The following RAPGEF2 variants were observed in gnomAD, a reference collection of about 807,000 sequenced individuals.
RAPGEF2 encodes the protein Rap guanine nucleotide exchange factor 2, also known as PDZ domain containing guanine nucleotide exchange factor (GEF) 1.
A neutral mutation model predicts 186.7 loss-of-function variants in RAPGEF2; 54 were observed. The ratio of observed to expected loss-of-function variants is 0.29; its 90% CI spans 0.23 to 0.36. RAPGEF2 has a LOEUF of 0.36. RAPGEF2 is among the 10% of genes least tolerant of loss of function. The probability of loss-of-function intolerance (pLI) is 1.00; values close to 1 mark genes in which losing one functional copy is unlikely to be tolerated. For synonymous variants in RAPGEF2, 712 were observed against 705.9 expected (o/e 1.01, Z -0.14); for missense variants, 1,532 against 2,045.0 (o/e 0.75, Z 4.84).
chr4:159,297,363 T>C (rs1039053935), intron 7 of RAPGEF2, among the ~76,000 whole-genome samples: 1 of 152,216 alleles, frequency 6.6e-6, no homozygotes, highest in Non-Finnish European at 1.5e-5. Flanking sequence ...TTGTAGCATA[T>C]GTCTGTGCCA....
Position 159,353,519 on chromosome 4 carries a change from T to C in RAPGEF2, c.4124T>C (p.Leu1375Ser). 6.6e-7 allele frequency: 1 copy of C among 1,520,736 alleles called. No individual in the cohort carries two copies. The highest frequency in any genetic ancestry group is 8.8e-7 in the Non-Finnish European group (1 of 1,136,958). The allele number at this position is 1,520,736 out of a possible 1,614,324, so 94.2% of individuals were successfully genotyped here. ...GCACCAATGTCCGAGGGCCGAGGCTTATATGCTACAGCTACAGTAATTTCT... is the reference window on the plus strand; with the variant it reads ...GCACCAATGTCCGAGGGCCGAGGCTCATATGCTACAGCTACAGTAATTTCT... ...SYAPMSEGRG[L>S]YATATVISSP... Residue 1375 changes from leucine to serine, a missense_variant, in exon 28 of 30, where the codon TTA becomes TCA. By Grantham distance (145) the Leu-to-Ser change is moderately radical (BLOSUM62 -2). Coordinates refer to ENST00000691494, the MANE Select transcript of RAPGEF2 (RefSeq NM_001394067.2). This position sits in a 1 kb window ranked among gnomAD's most constrained non-coding sequence, Gnocchi z 4.3.
At chr4:159,333,240 A>AG (rs1766947792) in intron 17 of RAPGEF2, among the ~76,000 whole-genome samples, 2 of 152,050 alleles carry the variant, frequency 1.3e-5, no homozygotes, top group Non-Finnish European at 2.9e-5. Context: ...GGCCTCCCAA[A>AG]GTGCTGGGAT....
At chr4:159,175,070 G>A (rs1420887132) in intron 1 of RAPGEF2, among the ~76,000 whole-genome samples, 1 of 152,094 alleles carries the variant, frequency 6.6e-6, no homozygotes, top group African/African-American at 2.4e-5. Flanking sequence ...CCATACATGT[G>A]TCTTATAATG....
chr4:159,211,084 T>C (rs1341908107), intron 4 of RAPGEF2, among the ~76,000 whole-genome samples: 1 of 152,262 alleles, frequency 6.6e-6, no homozygotes, highest in Non-Finnish European at 1.5e-5. Flanking sequence ...TCTGTAAGGC[T>C]GTTAATTCCT....
chr4:159,284,387 T>C (rs1760145875), intron 7 of RAPGEF2, among the ~76,000 whole-genome samples: 1 of 152,036 alleles, frequency 6.6e-6, no homozygotes, highest in South Asian at 2.1e-4. Context: ...AATTGTGAAA[T>C]TGAGCACCTT....
chr4:159,245,470 T>C (rs1163199227), intron 7 of RAPGEF2, among the ~76,000 whole-genome samples: 2 of 151,996 alleles, frequency 1.3e-5, no homozygotes, highest in Non-Finnish European at 2.9e-5. Context: ...GCTGGAAGAT[T>C]TGGGGTCTGT....
intron 7 of RAPGEF2, chr4:159,266,885 T>C (rs1757500354): frequency 5.6e-6 from 1 of 177,548 alleles, no homozygotes; most frequent in South Asian, 1.4e-4. Context: ...TTCAGTGATA[T>C]TATTTGGAGT....
chr4:159,300,900 C>A (rs1762580869), intron 7 of RAPGEF2, among the ~76,000 whole-genome samples: 1 of 152,110 alleles, frequency 6.6e-6, no homozygotes, highest in African/African-American at 2.4e-5. Flanking sequence ...GACTCTCAAC[C>A]CCTACATGGT....
intron 1 of RAPGEF2, among the ~76,000 whole-genome samples, chr4:159,134,188 A>G (rs543869701): frequency 2.0e-5 from 3 of 152,172 alleles, no homozygotes; most frequent in Admixed American, 2.0e-4. Context: ...CTATCCTTAT[A>G]GTTTTGCCTT....
intron 7 of RAPGEF2, among the ~76,000 whole-genome samples, chr4:159,257,215 G>A (rs987571778): frequency 6.6e-6 from 1 of 152,066 alleles, no homozygotes; most frequent in African/African-American, 2.4e-5. Context: ...GTATTAGTCA[G>A]TTTCACACTG....
chr4:159,304,668 C>T (rs543100700), intron 8 of RAPGEF2, among the ~76,000 whole-genome samples, 195 bp downstream of exon 8: 24 of 151,958 alleles, frequency 1.6e-4, no homozygotes, highest in Admixed American at 5.2e-4. Flanking sequence ...ACTGCCTCTG[C>T]TATGACGAGT....
chr4:159,104,536 G>GAGAGAC (rs1560964937), intron 1 of RAPGEF2, among the ~76,000 whole-genome samples: 28 of 102,872 alleles, frequency 2.7e-4, no homozygotes, highest in African/African-American at 1.3e-3. Context: ...GGGAGAGACA[G>GAGAGAC]AGAGAGAGAG....
At chr4:159,209,036 G>A (rs926304998) in intron 3 of RAPGEF2, among the ~76,000 whole-genome samples, 13 of 151,928 alleles carry the variant, frequency 8.6e-5, no homozygotes, top group Admixed American at 3.3e-4. Context: ...GATTATAGGC[G>A]TGAGCCACCA....
At chr4:159,227,973 C>G (rs1752213216) in intron 4 of RAPGEF2, among the ~76,000 whole-genome samples, 1 of 152,122 alleles carries the variant, frequency 6.6e-6, no homozygotes, top group African/African-American at 2.4e-5. Context: ...AGCATTTGAC[C>G]TTGAAGACTC....
chr4:159,295,759 G>A (rs1213220966), intron 7 of RAPGEF2, among the ~76,000 whole-genome samples: 2 of 114,208 alleles, frequency 1.8e-5, no homozygotes, highest in African/African-American at 4.6e-5. Flanking sequence ...GTGTGTGCGC[G>A]CGCGCGCGCG....
chr4:159,189,605 T>C (rs1441911189), intron 2 of RAPGEF2, among the ~76,000 whole-genome samples: 1 of 152,216 alleles, frequency 6.6e-6, no homozygotes, highest in Non-Finnish European at 1.5e-5. Flanking sequence ...TGGATGAGTG[T>C]AATTGTTACT....
rs545219734 is a variant in RAPGEF2 at position 159,336,433 on chromosome 4, T to A, written c.2136-1878T>A. Reference sequence around the variant, plus strand: ...AGTGAGAACATAGGGATTTTGGTTTTCCACCATTATATCACTTAGAATAAT... The same window carrying A: ...AGTGAGAACATAGGGATTTTGGTTTACCACCATTATATCACTTAGAATAAT... On this transcript the variant is annotated intron_variant, in intron 17 of 29. Coordinates refer to ENST00000691494, the MANE Select transcript of RAPGEF2 (RefSeq NM_001394067.2). 1.2e-4 allele frequency among the ~76,000 whole-genome samples: 18 copies of A among 152,332 alleles called. No homozygotes were observed. The South Asian group carries it at 3.7e-3, about 32-fold the overall frequency.
At chr4:159,259,072 A>G (rs967411874) in intron 7 of RAPGEF2, among the ~76,000 whole-genome samples, 2 of 152,242 alleles carry the variant, frequency 1.3e-5, no homozygotes, top group Non-Finnish European at 2.9e-5. Context: ...CCGTCAGTAG[A>G]TAAGCATGCA....
intron 1 of RAPGEF2, 124 bp from the exon 2 acceptor site, chr4:159,186,518 A>G: frequency 4.2e-6 from 2 of 479,548 alleles, no homozygotes; most frequent in East Asian, 3.4e-5. Flanking sequence ...TACTGTCTTA[A>G]GAAAACATGT....
Sources: gnomAD v4.1 joint callset for allele counts (sites outside exome capture counted in the v4.1 genomes callset) on GRCh38, gnomAD v4.1.1 for gene constraint, Gnocchi (gnomAD v3.1) non-coding constraint, MANE v1.5 for transcripts, NCBI Gene and HGNC (gene_info 2026-07-23, HGNC 2026-07-21) for gene names.